The following CFDP1 variants were observed in gnomAD, a reference collection of about 807,000 sequenced individuals.
CFDP1 encodes heterochromatin-stabilizing protein CFDP1.
In CFDP1, 31 loss-of-function variants were observed where a neutral mutation model predicts 40.1. That is an observed-to-expected ratio of 0.77 (90% CI 0.58 to 1.04). The LOEUF (loss-of-function observed/expected upper bound fraction) is 1.04, where lower values mean the gene tolerates loss of function less well. Among genes scored for constraint, CFDP1 ranks in the 50% least tolerant of loss-of-function variants. The probability of loss-of-function intolerance (pLI) is 0.00; values close to 1 mark genes in which losing one functional copy is unlikely to be tolerated. For missense variants in CFDP1, 423 were observed against 343.4 expected (o/e 1.23, Z -1.83); for synonymous variants, 167 against 120.0 (o/e 1.39, Z -2.56).
intron 5 of CFDP1, among the ~76,000 whole-genome samples, chr16:75,328,599 T>TA (rs534769130): frequency 0.22 from 13,919 of 63,516 alleles, 1,888 homozygotes; most frequent in Non-Finnish European, 0.25. Flanking sequence ...AACTCTGTCT[T>TA]AAAAAAAAAA....
At position 75,414,507 on chromosome 16, in the gene CFDP1, G is replaced by T. The variant is rs2079187578; in HGVS notation, c.182+71C>A. On this transcript the variant is annotated intron_variant, in intron 2 of 6. Coordinates refer to ENST00000283882, the MANE Select transcript of CFDP1 (RefSeq NM_006324.3). ...TCTGGCTTCATTAAATCTATCATGA[G>T]ACCAATCTTAGCAATCAGGATGGTT... 3.7e-5 allele frequency: 33 copies of T among 892,674 alleles called. No individual in the cohort carries two copies. In the South Asian group the frequency reaches 4.4e-4, roughly 12 times the overall value. The allele number at this position is 892,674 out of a possible 1,614,324, so 55.3% of individuals were successfully genotyped here.
chr16:75,418,541 C>G (rs2079237468), intron 1 of CFDP1, among the ~76,000 whole-genome samples: 1 of 151,910 alleles, frequency 6.6e-6, no homozygotes, highest in Non-Finnish European at 1.5e-5. Context: ...GAACTCCTGA[C>G]CTTGTGATCC....
intron 4 of CFDP1, among the ~76,000 whole-genome samples, chr16:75,408,991 A>T (rs776217908): frequency 4.0e-5 from 6 of 151,500 alleles, no homozygotes; most frequent in Non-Finnish European, 8.8e-5. Flanking sequence ...CCAAGTAGCT[A>T]GGATTACAGA....
At position 75,411,941 on chromosome 16, in the gene CFDP1, C is replaced by G; in HGVS notation, c.414G>C (p.Glu138Asp). The G allele has an allele frequency of 6.2e-7, 1 of 1,605,172 alleles. No individual in the cohort carries two copies. Among genetic ancestry groups the G allele is most frequent in the South Asian group, 1.1e-5 (1 of 88,658 alleles). ...PPSTQVKKGEETEETSSSKLL... is the reference protein window; with the variant it reads ...PPSTQVKKGEDTEETSSSKLL... Reference sequence around the variant, plus strand: ...ATTTACTTGAACTTGTCTCTTCAGTCTCCTCTCCTTTCTATAAAAAAAACA... The same window carrying G: ...ATTTACTTGAACTTGTCTCTTCAGTGTCCTCTCCTTTCTATAAAAAAAACA... Residue 138 changes from glutamate to aspartate, a missense_variant, in exon 4 of 7, where the codon GAG becomes GAC. Coordinates refer to ENST00000283882, the MANE Select transcript of CFDP1 (RefSeq NM_006324.3).
intron 5 of CFDP1, among the ~76,000 whole-genome samples, chr16:75,362,451 T>C (rs1027082421): frequency 6.6e-6 from 1 of 152,220 alleles, no homozygotes; most frequent in African/African-American, 2.4e-5. Flanking sequence ...CTGGACAGTC[T>C]CAACTTTTAA....
intron 5 of CFDP1, among the ~76,000 whole-genome samples, chr16:75,334,204 T>C (rs2078468726): frequency 6.8e-6 from 1 of 148,052 alleles, no homozygotes; most frequent in South Asian, 2.1e-4. Flanking sequence ...CGCAGCACCC[T>C]AACCCTAACC....
intron 2 of CFDP1, among the ~76,000 whole-genome samples, chr16:75,414,002 A>C (rs180695861): frequency 6.6e-6 from 1 of 152,310 alleles, no homozygotes; most frequent in East Asian, 1.9e-4. Context: ...TATACAAAGA[A>C]TATTCACTGC....
At chr16:75,378,198 T>C (rs2078818349) in intron 5 of CFDP1, among the ~76,000 whole-genome samples, 1 of 152,052 alleles carries the variant, frequency 6.6e-6, no homozygotes, top group African/African-American at 2.4e-5. Context: ...ACAACACTTC[T>C]ACAACTAGAG....
intron 5 of CFDP1, among the ~76,000 whole-genome samples, chr16:75,346,469 G>C (rs2078565178): frequency 6.6e-6 from 1 of 151,408 alleles, no homozygotes; most frequent in Non-Finnish European, 1.5e-5. Flanking sequence ...TGTAGTCCCA[G>C]CTACTCGGGA....
chr16:75,318,604 C>G (rs1204184561), intron 5 of CFDP1, among the ~76,000 whole-genome samples: 1 of 152,042 alleles, frequency 6.6e-6, no homozygotes, highest in East Asian at 1.9e-4. Context: ...CTGGGTTTCA[C>G]CGTGTTAGCC....
chr16:75,315,045 C>A (rs553087206), intron 5 of CFDP1, among the ~76,000 whole-genome samples: 1 of 152,284 alleles, frequency 6.6e-6, no homozygotes, highest in South Asian at 2.1e-4. Context: ...AGCCACCATA[C>A]CTGGCCAGGA....
chr16:75,386,912 G>A (rs1298518684), intron 5 of CFDP1, among the ~76,000 whole-genome samples: 1 of 152,152 alleles, frequency 6.6e-6, no homozygotes, highest in Non-Finnish European at 1.5e-5. Flanking sequence ...TCAACAATGT[G>A]AATGAAATTG....
At chr16:75,428,197 C>G (rs890368615) in intron 1 of CFDP1, among the ~76,000 whole-genome samples, 1 of 150,524 alleles carries the variant, frequency 6.6e-6, no homozygotes, top group African/African-American at 2.4e-5. Context: ...TTACACAACG[C>G]TAGGCATTTA....
chr16:75,431,626 G>A lies in CFDP1; in HGVS notation c.64+1663C>T, dbSNP rs1039806368. Among the ~76,000 whole-genome samples, 5 of 152,056 alleles carry A rather than the reference G, an allele frequency of 3.3e-5. No individual in the cohort carries two copies. The South Asian group carries it at 1.0e-3, about 32-fold the overall frequency. ...TGCACTCCAGCCTGAGCCACAGAGC[G>A]AGACACTGTCTCGAAAGAAAAAAAA... On this transcript the variant is annotated intron_variant, in intron 1 of 6. Coordinates refer to ENST00000283882, the MANE Select transcript of CFDP1 (RefSeq NM_006324.3).
At chr16:75,294,741 C>T (rs568683187) in intron 6 of CFDP1, among the ~76,000 whole-genome samples, 55 of 152,260 alleles carry the variant, frequency 3.6e-4, no homozygotes, top group African/African-American at 1.3e-3. Context: ...TCCCTAAATG[C>T]CTCTAAGAGA....
At chr16:75,322,683 G>C (rs75496236) in intron 5 of CFDP1, among the ~76,000 whole-genome samples, 1 of 151,910 alleles carries the variant, frequency 6.6e-6, no homozygotes, top group Non-Finnish European at 1.5e-5. Context: ...TTTGAGCACT[G>C]ACATGACACT....
chr16:75,387,394 G>C (rs1299249000), intron 5 of CFDP1, among the ~76,000 whole-genome samples: 2 of 152,142 alleles, frequency 1.3e-5, no homozygotes, highest in East Asian at 3.8e-4. Flanking sequence ...ACCCGCCTCG[G>C]CCTCCCAAAG....
intron 5 of CFDP1, among the ~76,000 whole-genome samples, chr16:75,382,840 C>A (rs1304277602): frequency 6.6e-6 from 1 of 152,160 alleles, no homozygotes; most frequent in Non-Finnish European, 1.5e-5. Flanking sequence ...AAACTCTTCT[C>A]CTTTTGTTTC....
At chr16:75,295,022 G>C (rs1427438789) in intron 6 of CFDP1, among the ~76,000 whole-genome samples, 5 of 152,220 alleles carry the variant, frequency 3.3e-5, no homozygotes, top group Admixed American at 1.3e-4. Context: ...TCTATGGAGA[G>C]AGCAAAAATT....
Sources: gnomAD v4.1 joint callset for allele counts (sites outside exome capture counted in the v4.1 genomes callset) on GRCh38, gnomAD v4.1.1 for gene constraint, MANE v1.5 for transcripts, NCBI Gene and HGNC (gene_info 2026-07-23, HGNC 2026-07-21) for gene names.